Variants in PAQR4 observed in about 807,000 individuals in gnomAD.
PAQR4 encodes progestin and adipoQ receptor family member IV.
A neutral mutation model predicts 20.9 loss-of-function variants in PAQR4; 26 were observed. The ratio of observed to expected loss-of-function variants is 1.24; its 90% CI spans 0.91 to 1.73. The LOEUF (loss-of-function observed/expected upper bound fraction) is 1.73, where lower values mean the gene tolerates loss of function less well. PAQR4 is among the 40% of genes most tolerant of loss of function. PAQR4 has a pLI of 0.00. For synonymous variants in PAQR4, 193 were observed against 171.6 expected (o/e 1.12, Z -0.97); for missense variants, 400 against 380.1 (o/e 1.05, Z -0.44).
chr16:2,973,382 C>A lies in PAQR4; in HGVS notation c.*1434C>A. On this transcript the variant is annotated 3_prime_UTR_variant, in exon 3 of 3. Transcript: ENST00000318782. ...CACTCTGAAAGCAGCACTTGGACAG[C>A]CTTCAAAGTCCTTCCATCTGGCTGC... 6.5e-7 allele frequency: 1 copy of A among 1,538,522 alleles called. No individual in the cohort carries two copies. Among genetic ancestry groups the A allele is most frequent in the Non-Finnish European group, 8.7e-7 (1 of 1,145,962 alleles).
chr16:2,972,965 T>G lies in PAQR4; in HGVS notation c.*1017T>G. The G allele has an allele frequency of 6.2e-7, 1 of 1,607,958 alleles. No homozygotes were observed. Among genetic ancestry groups the G allele is most frequent in the South Asian group, 1.1e-5 (1 of 89,398 alleles). On this transcript the variant is annotated 3_prime_UTR_variant, in exon 3 of 3. Coordinates refer to ENST00000318782, the MANE Select transcript of PAQR4 (RefSeq NM_152341.5). ...CAGAGTCTGGGGCTCAGGTTGGGTCTAGGGTGTCCTCAAACAGGCTGAGGA... is the reference window on the plus strand; with the variant it reads ...CAGAGTCTGGGGCTCAGGTTGGGTCGAGGGTGTCCTCAAACAGGCTGAGGA...
In PAQR4 at chr16:2,973,147, C is replaced by T. The variant is rs779999541; in HGVS notation, c.*1199C>T. ...CCCTGGACCTGCTTACCTGGGTGTG[C>T]ACCTGCTCCGGGGGGTGGAGGTGCT... On this transcript the variant is annotated 3_prime_UTR_variant, in exon 3 of 3. Transcript: ENST00000318782. The T allele has an allele frequency of 7.1e-6, 11 of 1,547,322 alleles. No homozygotes were observed. The highest frequency in any genetic ancestry group is 6.0e-5 in the South Asian group (5 of 83,494).
At position 2,971,326 on chromosome 16, in the gene PAQR4, C is replaced by A; in HGVS notation, c.336C>A (p.Tyr112Ter). ...GCCACCAAGGGGGCAGCGCTGTGTA[C>A]GCCCGGCTCCTCGCCCTGGACATGT... is the stretch of plus-strand genomic sequence containing the variant. ...FMCHQGGSAV[Y>*]ARLLALDMCG... is the part of the protein sequence containing the mutation. Residue 112 changes from tyrosine (Y) to a stop codon, truncating the protein, a stop_gained, in exon 2 of 3, where the codon TAC becomes TAA. Transcript: ENST00000318782. LOFTEE classifies it high-confidence loss of function. 6.2e-7 allele frequency: 1 copy of A among 1,612,150 alleles called. No individual in the cohort carries two copies. The highest frequency in any genetic ancestry group is 8.5e-7 in the Non-Finnish European group (1 of 1,180,004).
chr16:2,973,289 T>C lies in PAQR4; in HGVS notation c.*1341T>C, dbSNP rs1345150094. On this transcript the variant is annotated 3_prime_UTR_variant, in exon 3 of 3. Coordinates refer to ENST00000318782, the MANE Select transcript of PAQR4 (RefSeq NM_152341.5). ...CCGGATGAAACCAGCTCTGTCCCTG[T>C]GCAGGCTCCAGGCTCCCGCCTGACA... 4 of 1,503,712 alleles carry C rather than the reference T, an allele frequency of 2.7e-6. No individual in the cohort carries two copies. Among genetic ancestry groups the C allele is most frequent in the Middle Eastern group, 3.5e-4 (2 of 5,756 alleles). 93.1% of individuals were successfully genotyped at this position (1,503,712 alleles called of 1,614,324 possible).
At position 2,971,200 on chromosome 16, in the gene PAQR4, G is replaced by A. The variant is rs750420597; in HGVS notation, c.210G>A (p.Met70Ile). 3 of 1,613,290 alleles carry A rather than the reference G, an allele frequency of 1.9e-6. No individual in the cohort carries two copies. The highest frequency in any genetic ancestry group is 2.5e-6 in the Non-Finnish European group (3 of 1,180,024). Reference protein sequence around the residue: ...LGFLVLVPMTMPWGQLGKDGW... With the variant: ...LGFLVLVPMTIPWGQLGKDGW... The stretch of plus-strand genomic sequence containing the variant: ...TCCTGGTGCTGGTGCCAATGACCAT[G>A]CCCTGGGGTCAGCTGGGCAAGGATG... Residue 70 changes from methionine to isoleucine, a missense_variant, in exon 2 of 3, where the codon ATG (methionine) becomes ATA (isoleucine). Transcript: ENST00000318782.
rs2151067378 is a variant in PAQR4, at chr16:2,973,212, A to G, written c.*1264A>G. ...CCAGGACAGCCTCAGGGGAGAGTGA[A>G]GGCCTGCAGGAGGGCAGGCGAGACA... On this transcript the variant is annotated 3_prime_UTR_variant, in exon 3 of 3. Transcript: ENST00000318782. 6.7e-7 allele frequency: 1 copy of G among 1,501,174 alleles called. No homozygotes were observed. Among genetic ancestry groups the G allele is most frequent in the Non-Finnish European group, 8.9e-7 (1 of 1,121,918 alleles). 93.0% of individuals were successfully genotyped at this position (1,501,174 alleles called of 1,614,324 possible). A position where few individuals can be genotyped will look rare whatever the true frequency, so the allele number is the denominator to read the frequency against.
At chr16:2,970,322 C>T in intron 1 of PAQR4, 1 of 163,670 alleles carries the variant, frequency 6.1e-6, no homozygotes, top group Non-Finnish European at 1.3e-5. Flanking sequence ...CTCCGCGCCC[C>T]GCGGAGCTCT....
rs1162317201 is a variant in PAQR4 at position 2,971,899 on chromosome 16, T to C, written c.773T>C (p.Val258Ala). 2 of 1,607,064 alleles carry C rather than the reference T, an allele frequency of 1.2e-6. No homozygotes were observed. Among genetic ancestry groups the C allele is most frequent in the Non-Finnish European group, 1.7e-6 (2 of 1,179,514 alleles). ...TCCATCCTGCAGCTGCACGCCGGCG[T>C]CGTGCCCGACCTGCTCTGGGCTGCC... The part of the protein sequence containing the change: ...VGSILQLHAG[V>A]VPDLLWAAHH... The change falls in exon 3 of 3, where the codon GTC (valine) becomes GCC (alanine). Residue 258 changes from valine to alanine, a missense_variant. By Grantham distance (64) the Val-to-Ala change is moderately conservative. Transcript: ENST00000318782.
chr16:2,972,697 C>G lies in PAQR4; in HGVS notation c.*749C>G. 1.3e-6 allele frequency: 2 copies of G among 1,535,960 alleles called. No individual in the cohort carries two copies. The highest frequency in any genetic ancestry group is 1.7e-6 in the Non-Finnish European group (2 of 1,146,850). Reference sequence around the variant, plus strand: ...CACAGCATGGGGCTTCAGCTGCTGGCCCAAGGCCAGGAGCGCTGGGTTCTG... The same window carrying G: ...CACAGCATGGGGCTTCAGCTGCTGGGCCAAGGCCAGGAGCGCTGGGTTCTG... On this transcript the variant is annotated 3_prime_UTR_variant, in exon 3 of 3. Coordinates refer to ENST00000318782, the MANE Select transcript of PAQR4 (RefSeq NM_152341.5).
Position 2,973,241 on chromosome 16 carries a change from A to T in PAQR4, c.*1293A>T. 6.7e-7 allele frequency: 1 copy of T among 1,481,842 alleles called. No homozygotes were observed. Among genetic ancestry groups the T allele is most frequent in the Non-Finnish European group, 9.0e-7 (1 of 1,112,248 alleles). The allele number at this position is 1,481,842 out of a possible 1,614,324, so 91.8% of individuals were successfully genotyped here. A position where few individuals can be genotyped will look rare whatever the true frequency, so the allele number is the denominator to read the frequency against. On this transcript the variant is annotated 3_prime_UTR_variant, in exon 3 of 3. Coordinates refer to ENST00000318782, the MANE Select transcript of PAQR4 (RefSeq NM_152341.5). ...CTGCAGGAGGGCAGGCGAGACAAGG[A>T]GGGTGTCCAGGGCTAGGGAGTGCCG... is the stretch of plus-strand genomic sequence containing the variant.
chr16:2,973,339 G>A lies in PAQR4; in HGVS notation c.*1391G>A, dbSNP rs1195262463. 6.5e-6 allele frequency: 10 copies of A among 1,543,190 alleles called. No homozygotes were observed. Among genetic ancestry groups the A allele is most frequent in the African/African-American group, 2.7e-5 (2 of 72,806 alleles). On this transcript the variant is annotated 3_prime_UTR_variant, in exon 3 of 3. Transcript: ENST00000318782. ...AAACAGGCAGGGAGCCACAGTCAGGGACAATAAAAACTTGGTGCACTCTGA... is the reference window on the plus strand; with the variant it reads ...AAACAGGCAGGGAGCCACAGTCAGGAACAATAAAAACTTGGTGCACTCTGA...
Position 2,972,111 on chromosome 16 carries a change from A to C in PAQR4, c.*163A>C. On this transcript the variant is annotated 3_prime_UTR_variant, in exon 3 of 3. Coordinates refer to ENST00000318782, the MANE Select transcript of PAQR4 (RefSeq NM_152341.5). ...TCTTCCCTGTGGACTGACCTCTTCCACCCACGCCGTGGCGCTCCAACTTCC... is the reference window on the plus strand; with the variant it reads ...TCTTCCCTGTGGACTGACCTCTTCCCCCCACGCCGTGGCGCTCCAACTTCC... The C allele has an allele frequency of 1.4e-6, 1 of 690,674 alleles. No individual in the cohort carries two copies. The highest frequency in any genetic ancestry group is 2.3e-5 in the South Asian group (1 of 44,410). 42.8% of individuals were successfully genotyped at this position (690,674 alleles called of 1,614,324 possible).
intron 1 of PAQR4, 50 bp from the exon 2 acceptor site, chr16:2,971,107 C>T (rs765153110): frequency 1.2e-5 from 19 of 1,570,080 alleles, no homozygotes; most frequent in Admixed American, 1.7e-5. Context: ...CCGTGGTCCC[C>T]TTGAGGATGT....
At chr16:2,969,977 T>A in intron 1 of PAQR4, 137 bp downstream of exon 1, 1 of 1,177,288 alleles carries the variant, frequency 8.5e-7, no homozygotes, top group Non-Finnish European at 1.2e-6. Context: ...GTAGCCGCGG[T>A]GACAAAGCTG....
At position 2,972,235 on chromosome 16, in the gene PAQR4, A is replaced by T; in HGVS notation, c.*287A>T. The T allele has an allele frequency of 1.9e-6, 1 of 529,564 alleles. No homozygotes were observed. The highest frequency in any genetic ancestry group is 2.9e-5 in the South Asian group (1 of 34,186). The allele number at this position is 529,564 out of a possible 1,614,324, so 32.8% of individuals were successfully genotyped here. A position where few individuals can be genotyped will look rare whatever the true frequency, so the allele number is the denominator to read the frequency against. On this transcript the variant is annotated 3_prime_UTR_variant, in exon 3 of 3. Transcript: ENST00000318782. Reference sequence around the variant, plus strand: ...TTTACCCTCTGTGACCTGTGGGGTTAGACCAGAGAGGGACTCTGGGGTCAC... The same window carrying T: ...TTTACCCTCTGTGACCTGTGGGGTTTGACCAGAGAGGGACTCTGGGGTCAC...
In PAQR4 at chr16:2,973,116, C is replaced by T; in HGVS notation, c.*1168C>T. 1 of 1,562,106 alleles carries T rather than the reference C, an allele frequency of 6.4e-7. No homozygotes were observed. Among genetic ancestry groups the T allele is most frequent in the Non-Finnish European group, 8.7e-7 (1 of 1,150,038 alleles). On this transcript the variant is annotated 3_prime_UTR_variant, in exon 3 of 3. Coordinates refer to ENST00000318782, the MANE Select transcript of PAQR4 (RefSeq NM_152341.5). The stretch of plus-strand genomic sequence containing the variant: ...GGATCCAAAAGCTAGCCCTGCCCAC[C>T]CCAGCCCCTGGACCTGCTTACCTGG...
In PAQR4 at chr16:2,969,840, G is replaced by T. The variant is rs1191463302; in HGVS notation, c.166G>T (p.Gly56Trp). The T allele has an allele frequency of 6.2e-7, 1 of 1,609,512 alleles. No homozygotes were observed. The change falls in exon 1 of 3, where the codon GGG becomes TGG. Residue 56 changes from glycine (G) to tryptophan (W), a missense_variant and splice_region_variant. Physicochemically the swap from Gly to Trp is radical, Grantham distance 184 (BLOSUM62 -2). Coordinates refer to ENST00000318782, the MANE Select transcript of PAQR4 (RefSeq NM_152341.5). ...HNELGNIYTH[G>W]LALLGFLVLV... ...CGAACTGGGCAACATCTACACGCAC[G>T]GTGAGCCGCGTCCCGCAACGCGCTT...
rs1209414834 is a variant in PAQR4, at chr16:2,971,362, C to T, written c.372C>T (p.Cys124=). ...RLLALDMCGV[C]LVNTLGALPI... ...TCGCCCTGGACATGTGTGGGGTCTG[C>T]CTTGTCAACACCCTTGGTGAGTCAG... The change falls in exon 2 of 3, where the codon TGC becomes TGT. Residue 124 remains cysteine (C), a synonymous_variant. Transcript: ENST00000318782. The T allele has an allele frequency of 6.2e-7, 1 of 1,609,738 alleles. No homozygotes were observed. The highest frequency in any genetic ancestry group is 8.5e-7 in the Non-Finnish European group (1 of 1,179,938).
Position 2,971,123 on chromosome 16 carries a change from A to G in PAQR4, c.167-34A>G, listed in dbSNP as rs1479503131. ...CGTGGTCCCCTTGAGGATGTGACTGAAACTATCTGGTAGATGACTGTCTCC... is the reference window on the plus strand; with the variant it reads ...CGTGGTCCCCTTGAGGATGTGACTGGAACTATCTGGTAGATGACTGTCTCC... On this transcript the variant is annotated intron_variant, in intron 1 of 2. Coordinates refer to ENST00000318782, the MANE Select transcript of PAQR4 (RefSeq NM_152341.5). 6 of 1,603,280 alleles carry G rather than the reference A, an allele frequency of 3.7e-6. 1 individual carries two copies. In the Admixed American group the frequency reaches 8.3e-5, roughly 22 times the overall value.
Sources: allele counts gnomAD v4.1 joint callset, GRCh38; gene constraint gnomAD v4.1.1; transcripts MANE v1.5; gene names NCBI Gene and HGNC (gene_info 2026-07-23, HGNC 2026-07-21).